Variants in CFI observed in about 807,000 individuals in gnomAD.
CFI encodes the protein complement factor I.
In CFI, 66 loss-of-function variants were observed where a neutral mutation model predicts 78.8. That is an observed-to-expected ratio of 0.84 (90% confidence interval 0.69 to 1.03). CFI has a LOEUF of 1.03. CFI is among the 50% of genes least tolerant of loss of function. The pLI, the probability that CFI is intolerant of heterozygous loss-of-function variation, is 0.00. For synonymous variants in CFI, 250 were observed against 232.6 expected (o/e 1.07, Z -0.68); for missense variants, 706 against 704.5 (o/e 1.00, Z -0.02).
chr4:109,751,224 T>G (rs1472187661), intron 8 of CFI, among the ~76,000 whole-genome samples: 1 of 151,752 alleles, frequency 6.6e-6, no homozygotes, highest in Non-Finnish European at 1.5e-5. Flanking sequence ...TAGAAGATGG[T>G]TTTTTTTGGT....
chr4:109,797,455 C>T (rs1227207729), intron 1 of CFI, among the ~76,000 whole-genome samples: 1 of 152,154 alleles, frequency 6.6e-6, no homozygotes, highest in African/African-American at 2.4e-5. Flanking sequence ...ACACATACAC[C>T]TGAAATCATA....
At chr4:109,757,972 A>G (rs1356691891) in intron 6 of CFI, 189 bp from the exon 7 acceptor site, 4 of 1,459,924 alleles carry the variant, frequency 2.7e-6, no homozygotes, top group African/African-American at 2.9e-5. Flanking sequence ...AAAACAAAAA[A>G]CAAAAAACTC....
intron 8 of CFI, among the ~76,000 whole-genome samples, chr4:109,751,129 A>G (rs11098043): frequency 0.24 from 36,114 of 152,078 alleles, 4,522 homozygotes; most frequent in Middle Eastern, 0.34. Context: ...GGAACTGGAC[A>G]TGTCAGCCTC....
At position 109,760,331 on chromosome 4, in the gene CFI, G is replaced by C; in HGVS notation, c.822C>G (p.Ser274Arg). The change falls in exon 6 of 13, where the codon AGC becomes AGG. Residue 274 changes from serine to arginine, a missense_variant. Physicochemically the swap from Ser to Arg is moderately radical, Grantham distance 110. Coordinates refer to ENST00000394634, the MANE Select transcript of CFI (RefSeq NM_000204.5). Reference protein sequence around the residue: ...FHCKSGVCIPSQYQCNGEVDC... With the variant: ...FHCKSGVCIPRQYQCNGEVDC... ...CCACCTCACCATTGCATTGATACTG[G>C]CTTGGAATGCAAACACCCGATTTGC... 1 of 1,614,144 alleles carries C rather than the reference G, an allele frequency of 6.2e-7. No individual in the cohort carries two copies. Among genetic ancestry groups the C allele is most frequent in the Non-Finnish European group, 8.5e-7 (1 of 1,180,000 alleles).
intron 1 of CFI, among the ~76,000 whole-genome samples, chr4:109,775,472 G>A (rs1403612114): frequency 6.6e-6 from 1 of 152,226 alleles, no homozygotes; most frequent in Non-Finnish European, 1.5e-5. Flanking sequence ...CCATTGCTGA[G>A]GCTTGAGTAG....
At chr4:109,795,359 G>C (rs550812102) in intron 1 of CFI, among the ~76,000 whole-genome samples, 2 of 152,300 alleles carry the variant, frequency 1.3e-5, no homozygotes, top group South Asian at 4.1e-4. Flanking sequence ...CTGGCTGACT[G>C]ATTTGTGAAA....
intron 1 of CFI, among the ~76,000 whole-genome samples, chr4:109,797,029 T>C (rs1283848165): frequency 1.3e-5 from 2 of 152,210 alleles, no homozygotes; most frequent in Non-Finnish European, 2.9e-5. Context: ...ATACAATCCC[T>C]ACCAAAATTG....
In CFI at chr4:109,761,572, T is replaced by G. The variant is rs145769028; in HGVS notation, c.603A>C (p.Arg201Ser). The change falls in exon 4 of 13, where the codon AGA (arginine) becomes AGC (serine). Residue 201 changes from arginine to serine, a missense_variant. Arg to Ser is a moderately radical substitution (Grantham distance 110). Coordinates refer to ENST00000394634, the MANE Select transcript of CFI (RefSeq NM_000204.5). ...TSLAECTFTK[R>S]RTMGYQDFAD... ...CGAAATCCTGGTAACCCATAGTTCT[T>G]CTCTTAGTAAAAGTACATTCAGCCA... 3.8e-4 allele frequency: 618 copies of G among 1,614,168 alleles called. 6 individuals are homozygous for G. The East Asian group carries it at 0.014, about 36-fold the overall frequency.
At chr4:109,764,841 G>T in intron 2 of CFI, 151 bp from the exon 3 acceptor site, 2 of 738,226 alleles carry the variant, frequency 2.7e-6, no homozygotes, top group Admixed American at 2.3e-5. Context: ...ATCATTTTAC[G>T]AGTATTTATT....
chr4:109,784,360 G>A (rs1285127441), intron 1 of CFI, among the ~76,000 whole-genome samples: 2 of 152,132 alleles, frequency 1.3e-5, no homozygotes, highest in East Asian at 3.9e-4. Flanking sequence ...ATGTGAAGGG[G>A]CACAGTTTAG....
chr4:109,777,379 C>A (rs1180601768), intron 1 of CFI, among the ~76,000 whole-genome samples: 2 of 152,054 alleles, frequency 1.3e-5, no homozygotes, highest in African/African-American at 4.8e-5. Flanking sequence ...TCAAAAGAGA[C>A]AAAGAAAGTC....
At chr4:109,742,675 G>A (rs1033858230) in intron 11 of CFI, 80 bp from the exon 12 acceptor site, 8 of 927,444 alleles carry the variant, frequency 8.6e-6, no homozygotes, top group Non-Finnish European at 3.5e-6. Context: ...TAAACCATTG[G>A]GATTATGAAA....
At chr4:109,732,985 T>A in the CFI span, among the ~76,000 whole-genome samples, 4 of 70,434 alleles carry the variant, frequency 5.7e-5, no homozygotes, top group Admixed American at 1.7e-4. Flanking sequence ...TCATATAAAT[T>A]TTTTTTTTTT....
At position 109,795,221 on chromosome 4, in the gene CFI, G is replaced by A. The variant is rs539766516; in HGVS notation, c.57+6694C>T. On this transcript the variant is annotated intron_variant, in intron 1 of 12. Transcript: ENST00000394634. ...GACTGTCTACCCACACAGTGACGGTGGCACCAGGCCTGCCCGTGGACCACA... is the reference window on the plus strand; with the variant it reads ...GACTGTCTACCCACACAGTGACGGTAGCACCAGGCCTGCCCGTGGACCACA... 5.0e-3 allele frequency among the ~76,000 whole-genome samples: 757 copies of A among 152,240 alleles called. 1 individual carries two copies. Among genetic ancestry groups the A allele is most frequent in the Non-Finnish European group, 8.5e-3 (578 of 68,008 alleles).
At chr4:109,775,086 T>A (rs917797220) in intron 1 of CFI, among the ~76,000 whole-genome samples, 2 of 152,084 alleles carry the variant, frequency 1.3e-5, no homozygotes, top group African/African-American at 2.4e-5. Flanking sequence ...AGTCTGCAGC[T>A]CCCAGTGTGA....
rs570665002 is a variant in CFI, at chr4:109,771,046, A to G, written c.58-4222T>C. On this transcript the variant is annotated intron_variant, in intron 1 of 12. Coordinates refer to ENST00000394634, the MANE Select transcript of CFI (RefSeq NM_000204.5). ...TTAGGGGTGGGAGACGGGTGATAGG[A>G]GTGCTTTTCATTTTAAGTAAGATCT... Among the ~76,000 whole-genome samples the G allele has an allele frequency of 4.6e-5, 7 of 152,140 alleles. No homozygotes were observed. The South Asian group carries it at 6.2e-4, about 14-fold the overall frequency.
chr4:109,775,715 C>T (rs1028924036), intron 1 of CFI, among the ~76,000 whole-genome samples: 1 of 152,174 alleles, frequency 6.6e-6, no homozygotes, highest in African/African-American at 2.4e-5. Flanking sequence ...GGTTCATGAC[C>T]CCCGAGTAGC....
Position 109,746,467 on chromosome 4 carries a change from G to A in CFI, c.1184C>T (p.Thr395Ile), listed in dbSNP as rs1724465307. 1.9e-6 allele frequency: 3 copies of A among 1,612,756 alleles called. No individual in the cohort carries two copies. The highest frequency in any genetic ancestry group is 2.5e-6 in the Non-Finnish European group (3 of 1,179,414). The part of the protein sequence containing the change: ...SKTHRYQIWT[T>I]VVDWIHPDLK... ...GTCGGGGTGTATCCAGTCTACTACT[G>A]TTGTCCATATTTGGTAACGATGAGT... is the stretch of plus-strand genomic sequence containing the variant. The change falls in exon 11 of 13, where the codon ACA becomes ATA. Residue 395 changes from threonine to isoleucine, a missense_variant. By Grantham distance (89) the Thr-to-Ile change is moderately conservative (BLOSUM62 -1). Coordinates refer to ENST00000394634, the MANE Select transcript of CFI (RefSeq NM_000204.5).
chr4:109,800,495 T>C (rs2125881031), intron 1 of CFI, among the ~76,000 whole-genome samples: 1 of 151,836 alleles, frequency 6.6e-6, no homozygotes, highest in South Asian at 2.1e-4. Flanking sequence ...CCACACCTAG[T>C]CAGCTTCCTT....
Sources: allele counts gnomAD v4.1 joint callset (sites outside exome capture counted in the v4.1 genomes callset), GRCh38; gene constraint gnomAD v4.1.1; transcripts MANE v1.5; gene names NCBI Gene and HGNC (gene_info 2026-07-23, HGNC 2026-07-21).